MTA3: variants seen among roughly 807,000 people sequenced by gnomAD.
MTA3 encodes metastasis associated 1 family member 3.
Under a neutral mutation model 83.5 loss-of-function variants are expected in MTA3, and 34 were observed. The observed-to-expected ratio is 0.41, with a 90% CI of 0.31 to 0.54. The LOEUF (loss-of-function observed/expected upper bound fraction) is 0.54, where lower values mean the gene tolerates loss of function less well. Ranked by LOEUF, MTA3 falls within the 20% of genes least tolerant of loss-of-function variation. The pLI is 0.33. For missense variants in MTA3, 761 were observed against 726.4 expected, an observed-to-expected ratio of 1.05 and a Z score of -0.55; for synonymous variants, 303 against 252.7, an observed-to-expected ratio of 1.20 and a Z score of -1.89.
chr2:42,750,197 G>A (rs2104604721), intron 16 of MTA3, among the ~76,000 whole-genome samples: 1 of 152,070 alleles, frequency 6.6e-6, no homozygotes, highest in East Asian at 1.9e-4. Flanking sequence ...CACTCTGTTG[G>A]CCAGGCTGGT....
At chr2:42,728,128 C>G (rs1667956599) in intron 16 of MTA3, among the ~76,000 whole-genome samples, 1 of 152,164 alleles carries the variant, frequency 6.6e-6, no homozygotes, top group South Asian at 2.1e-4. Context: ...AACCACCATT[C>G]TACTCTCTAT....
At chr2:42,587,080 C>T (rs565889905) in intron 3 of MTA3, among the ~76,000 whole-genome samples, 2 of 151,964 alleles carry the variant, frequency 1.3e-5, no homozygotes, top group African/African-American at 4.8e-5. Context: ...GTAATCCTAG[C>T]TACTCAGGAG....
chr2:42,609,424 G>C (rs1683908340), intron 3 of MTA3, 34 bp from the exon 4 acceptor site: 1 of 1,600,996 alleles, frequency 6.2e-7, no homozygotes, highest in Non-Finnish European at 8.5e-7. Flanking sequence ...AATGTGCTTT[G>C]TACTAATAAA....
intron 2 of MTA3, among the ~76,000 whole-genome samples, chr2:42,557,453 G>A (rs1677451759): frequency 6.6e-6 from 1 of 152,112 alleles, no homozygotes; most frequent in Non-Finnish European, 1.5e-5. Context: ...TTGGCTGGAC[G>A]GATTCTGGGT....
chr2:42,675,177 C>T (rs1558570496), intron 8 of MTA3, among the ~76,000 whole-genome samples: 1 of 151,894 alleles, frequency 6.6e-6, no homozygotes, highest in African/African-American at 2.4e-5. Flanking sequence ...CACTCTGTCA[C>T]CCAGCTGGAG....
At chr2:42,528,377 AC>A (rs1675814397) in intron 2 of MTA3, among the ~76,000 whole-genome samples, 1 of 150,854 alleles carries the variant, frequency 6.6e-6, no homozygotes, top group African/African-American at 2.4e-5. Flanking sequence ...CTGCCACCAC[AC>A]CCGGCTAATT....
At chr2:42,591,389 A>G (rs921720517) in intron 3 of MTA3, among the ~76,000 whole-genome samples, 1 of 152,220 alleles carries the variant, frequency 6.6e-6, no homozygotes, top group Non-Finnish European at 1.5e-5. Context: ...GTGAAGGCCT[A>G]GTACATACTG....
At chr2:42,515,107 G>A (rs986405683) in intron 2 of MTA3, among the ~76,000 whole-genome samples, 2 of 151,984 alleles carry the variant, frequency 1.3e-5, no homozygotes, top group Non-Finnish European at 2.9e-5. Flanking sequence ...TGCCCAGGCT[G>A]GAGTGCAGTG....
Position 42,756,050 on chromosome 2 carries a change from C to A in MTA3, c.*2651C>A. 7.2e-6 allele frequency: 7 copies of A among 977,154 alleles called. No individual in the cohort carries two copies. The highest frequency in any genetic ancestry group is 7.3e-6 in the Non-Finnish European group (6 of 822,396). 60.5% of individuals were successfully genotyped at this position (977,154 alleles called of 1,614,324 possible). ...AAAATGGATTTCAAGTGGGGGTTTT[C>A]ATCCAGAGATTTGTTTAACACAAAA... On this transcript the variant is annotated 3_prime_UTR_variant, in exon 17 of 17. Transcript: ENST00000405094.
At chr2:42,743,396 TG>T (rs1669179928) in intron 16 of MTA3, among the ~76,000 whole-genome samples, 4 of 152,352 alleles carry the variant, frequency 2.6e-5, no homozygotes, top group African/African-American at 9.6e-5. Flanking sequence ...CATGGCTTTT[TG>T]TCTCAGGGGT....
At chr2:42,628,421 A>T (rs535144997) in intron 4 of MTA3, among the ~76,000 whole-genome samples, 3 of 151,798 alleles carry the variant, frequency 2.0e-5, no homozygotes, top group Non-Finnish European at 4.4e-5. Context: ...TTTAGTAGAG[A>T]TGGGGTTTTG....
intron 4 of MTA3, among the ~76,000 whole-genome samples, chr2:42,624,770 C>T (rs1367560603): frequency 2.0e-5 from 3 of 152,206 alleles, no homozygotes; most frequent in Non-Finnish European, 4.4e-5. Context: ...GATACATGAT[C>T]TTTCTTTGCA....
At position 42,581,187 on chromosome 2, in the gene MTA3, T is replaced by C. The variant is rs185111948; in HGVS notation, c.190+1987T>C. Among the ~76,000 whole-genome samples the C allele has an allele frequency of 6.6e-5, 10 of 152,304 alleles. No homozygotes were observed. In the East Asian group the frequency reaches 1.9e-3, roughly 29 times the overall value. ...AAAGTGTTCATTATGATATGAGTTC[T>C]GTCACGTTTACAAATTATATATTCA... On this transcript the variant is annotated intron_variant, in intron 3 of 16. Transcript: ENST00000405094.
intron 2 of MTA3, among the ~76,000 whole-genome samples, chr2:42,539,696 C>G (rs1024517352): frequency 2.6e-5 from 4 of 151,536 alleles, no homozygotes; most frequent in Non-Finnish European, 4.4e-5. Context: ...ATCCTCCCAC[C>G]TCAGCCTCCT....
chr2:42,597,375 C>CTTTTTT (rs35943826), intron 3 of MTA3, among the ~76,000 whole-genome samples: 1 of 108,456 alleles, frequency 9.2e-6, no homozygotes. Context: ...GACAAGTTAT[C>CTTTTTT]TTTTTTTTTT....
Position 42,675,383 on chromosome 2 carries a change from G to A in MTA3, c.703-7018G>A, listed in dbSNP as rs147024050. On this transcript the variant is annotated intron_variant, in intron 8 of 16. Transcript: ENST00000405094. ...ACTCCTGACCTCGTGGTCCGCCTGC[G>A]TTGGCCTCCTAAAGTGCAGGGATTA... 4.5e-4 allele frequency among the ~76,000 whole-genome samples: 68 copies of A among 152,210 alleles called. No individual in the cohort carries two copies. In the East Asian group the frequency reaches 0.012, roughly 26 times the overall value.
intron 9 of MTA3, among the ~76,000 whole-genome samples, chr2:42,683,454 T>G (rs2104440521): frequency 6.6e-6 from 1 of 152,314 alleles, no homozygotes; most frequent in East Asian, 1.9e-4. Context: ...AGACAGTTTT[T>G]CCATGGACTG....
intron 4 of MTA3, among the ~76,000 whole-genome samples, chr2:42,614,715 C>G (rs951259029): frequency 6.6e-6 from 1 of 152,162 alleles, no homozygotes; most frequent in Admixed American, 6.6e-5. Context: ...TGGCTCATGC[C>G]TGTAATCCTA....
rs1337739404 is a variant in MTA3 at position 42,732,737 on chromosome 2, A to ATTC, written c.1759+9702_1759+9703insTTC. Among the ~76,000 whole-genome samples, 8 of 152,222 alleles carry ATTC rather than the reference A, an allele frequency of 5.3e-5. No homozygotes were observed. In the South Asian group the frequency reaches 1.7e-3, roughly 32 times the overall value. On this transcript the variant is annotated intron_variant, in intron 16 of 16. Transcript: ENST00000405094. ...CCTTTTAAAACTGAATGCAGTACCC[A>ATTC]AGTGACCTCTTGAATGCTTTGCTGC...
Sources: allele counts gnomAD v4.1 joint callset (sites outside exome capture counted in the v4.1 genomes callset), GRCh38; gene constraint gnomAD v4.1.1; transcripts MANE v1.5; gene names NCBI Gene and HGNC (gene_info 2026-07-23, HGNC 2026-07-21).